OPCML: variants seen among roughly 807,000 people sequenced by gnomAD.
The protein encoded by OPCML is opioid-binding protein/cell adhesion molecule.
OPCML carries 13 observed loss-of-function variants against 37.8 expected under a neutral mutation model. The observed-to-expected ratio is 0.34, with a 90% CI of 0.22 to 0.55. The LOEUF is 0.55. Ranked by LOEUF, OPCML falls within the 20% of genes least tolerant of loss-of-function variation. The pLI is 0.91. For missense variants in OPCML, 341 were observed against 435.6 expected, an observed-to-expected ratio of 0.78 and a Z score of 1.93; for synonymous variants, 176 against 168.8, an observed-to-expected ratio of 1.04 and a Z score of -0.33.
intron 7 of OPCML, among the ~76,000 whole-genome samples, chr11:132,429,832 C>T (rs2095990336): frequency 6.6e-6 from 1 of 152,148 alleles, no homozygotes; most frequent in Admixed American, 6.5e-5. Context: ...TGCAGGCCAA[C>T]AAATACCTCA....
intron 1 of OPCML, among the ~76,000 whole-genome samples, chr11:133,340,783 T>C (rs1480858226): frequency 2.6e-5 from 4 of 152,060 alleles, no homozygotes; most frequent in African/African-American, 2.4e-5. Context: ...AGTGTATGTA[T>C]AAGAAAATGT....
At chr11:132,449,457 C>T (rs1412739348) in intron 4 of OPCML, among the ~76,000 whole-genome samples, 1 of 152,070 alleles carries the variant, frequency 6.6e-6, no homozygotes, top group Non-Finnish European at 1.5e-5. Context: ...ACTTCAAATG[C>T]AGGAAAATGA....
chr11:132,722,104 CA>C, intron 2 of OPCML, among the ~76,000 whole-genome samples: 1 of 151,512 alleles, frequency 6.6e-6, no homozygotes, highest in South Asian at 2.1e-4. Flanking sequence ...TACAGACACC[CA>C]CCATCATGCC....
rs1238043306 is a variant in OPCML, at chr11:132,417,987, A to C, written c.*2206T>G. On this transcript the variant is annotated 3_prime_UTR_variant, in exon 8 of 8. Coordinates refer to ENST00000524381, the MANE Select transcript of OPCML (RefSeq NM_001012393.5). ...ATGTAACATTAATTTCACTCACACC[A>C]GCTCTACCTCTTAAGACAGTGCTTA... is the stretch of plus-strand genomic sequence containing the variant. 2 of 152,188 alleles carry C rather than the reference A, an allele frequency of 1.3e-5. No individual in the cohort carries two copies. The highest frequency in any genetic ancestry group is 1.9e-4 in the East Asian group (1 of 5,182). The allele number at this position is 152,188 out of a possible 1,614,324, so 9.4% of individuals were successfully genotyped here. A position where few individuals can be genotyped will look rare whatever the true frequency, so the allele number is the denominator to read the frequency against.
At chr11:133,486,468 T>C (rs1195652169) in intron 1 of OPCML, among the ~76,000 whole-genome samples, 1 of 152,130 alleles carries the variant, frequency 6.6e-6, no homozygotes, top group Non-Finnish European at 1.5e-5. Context: ...CTTCTTTTTT[T>C]TTCTCTTCCT....
chr11:132,430,321 G>T (rs921183149), intron 7 of OPCML, among the ~76,000 whole-genome samples: 20 of 152,172 alleles, frequency 1.3e-4, no homozygotes, highest in African/African-American at 4.6e-4. Flanking sequence ...ATAAGGCAGC[G>T]GCGATGAGGG....
intron 2 of OPCML, among the ~76,000 whole-genome samples, chr11:132,765,761 C>T (rs1415074249): frequency 2.6e-5 from 4 of 152,156 alleles, no homozygotes; most frequent in Non-Finnish European, 5.9e-5. Context: ...CCTATTTCTG[C>T]TTTCTAGAGA....
At chr11:132,707,247 G>A (rs920025926) in intron 2 of OPCML, among the ~76,000 whole-genome samples, 2 of 152,172 alleles carry the variant, frequency 1.3e-5, no homozygotes, top group African/African-American at 2.4e-5. Flanking sequence ...CTGTATCAGT[G>A]AGCTTCAGAG....
At chr11:132,563,279 T>C (rs1275265838) in intron 3 of OPCML, among the ~76,000 whole-genome samples, 1 of 152,136 alleles carries the variant, frequency 6.6e-6, no homozygotes, top group Non-Finnish European at 1.5e-5. Context: ...ATCACTCTGT[T>C]ATGCTGTGGG....
intron 2 of OPCML, among the ~76,000 whole-genome samples, chr11:132,724,599 A>G (rs1322326725): frequency 1.3e-5 from 2 of 152,120 alleles, no homozygotes; most frequent in Non-Finnish European, 2.9e-5. Context: ...AAAACCAATC[A>G]TGCCTTCCCA....
chr11:132,479,925 A>G (rs939098470), intron 4 of OPCML, among the ~76,000 whole-genome samples: 11 of 152,228 alleles, frequency 7.2e-5, no homozygotes, highest in Non-Finnish European at 4.4e-5. Context: ...GGGGAAAAAA[A>G]CAGCGGAAAA....
At chr11:133,264,329 A>G (rs1204084706) in intron 1 of OPCML, among the ~76,000 whole-genome samples, 1 of 152,242 alleles carries the variant, frequency 6.6e-6, no homozygotes. Context: ...TGGTTTCAGG[A>G]ACAAGAGCAT....
chr11:133,532,079 G>T, intron 1 of OPCML, 185 bp downstream of exon 1: 2 of 552,884 alleles, frequency 3.6e-6, no homozygotes, highest in Non-Finnish European at 2.3e-6. Context: ...AAGCATCTGC[G>T]CGCGTGTGAG....
At chr11:132,769,949 T>C (rs1946582728) in intron 2 of OPCML, among the ~76,000 whole-genome samples, 1 of 152,074 alleles carries the variant, frequency 6.6e-6, no homozygotes, top group South Asian at 2.1e-4. Context: ...ACAGGCATCA[T>C]GGGGAGAAGA....
chr11:132,628,404 G>A (rs1939876045), intron 3 of OPCML, among the ~76,000 whole-genome samples: 1 of 152,196 alleles, frequency 6.6e-6, no homozygotes. Context: ...ACATGTGTGT[G>A]ATTCCTGTCT....
At chr11:132,496,941 T>C (rs1359213842) in intron 4 of OPCML, among the ~76,000 whole-genome samples, 1 of 152,186 alleles carries the variant, frequency 6.6e-6, no homozygotes, top group Non-Finnish European at 1.5e-5. Context: ...GTACCTTATA[T>C]GCACTGCTTA....
At chr11:132,530,705 C>T (rs562883893) in intron 3 of OPCML, among the ~76,000 whole-genome samples, 2 of 151,904 alleles carry the variant, frequency 1.3e-5, no homozygotes, top group East Asian at 3.9e-4. Context: ...CAAACAAACC[C>T]TTCTGCATGA....
At chr11:133,009,476 C>G (rs770799859) in intron 1 of OPCML, among the ~76,000 whole-genome samples, 1 of 152,094 alleles carries the variant, frequency 6.6e-6, no homozygotes, top group Non-Finnish European at 1.5e-5. Flanking sequence ...TTCAAAGAAC[C>G]TAGGCAGTTT....
At position 133,326,863 on chromosome 11, in the gene OPCML, G is replaced by A. The variant is rs545883305; in HGVS notation, c.61+205401C>T. Among the ~76,000 whole-genome samples the A allele has an allele frequency of 2.7e-3, 396 of 145,550 alleles. 3 individuals are homozygous for A. The highest frequency in any genetic ancestry group is 9.2e-3 in the African/African-American group (361 of 39,122). ...GATTGTGTGTATATTGTGTAGTGACGTGTGGGTGTGGGGGGTGTATAAGTG... is the reference window on the plus strand; with the variant it reads ...GATTGTGTGTATATTGTGTAGTGACATGTGGGTGTGGGGGGTGTATAAGTG... On this transcript the variant is annotated intron_variant, in intron 1 of 7. Coordinates refer to ENST00000524381, the MANE Select transcript of OPCML (RefSeq NM_001012393.5).
Sources: allele counts gnomAD v4.1 joint callset (sites outside exome capture counted in the v4.1 genomes callset), GRCh38; gene constraint gnomAD v4.1.1; transcripts MANE v1.5; gene names NCBI Gene and HGNC (gene_info 2026-07-23, HGNC 2026-07-21).